The following FOXN3 variants were observed in gnomAD, a reference collection of about 807,000 sequenced individuals.
FOXN3 encodes the protein forkhead box protein N3.
FOXN3 carries 7 observed loss-of-function variants against 38.4 expected under a neutral mutation model. The observed-to-expected ratio is 0.18, with a 90% CI of 0.10 to 0.34. The LOEUF (loss-of-function observed/expected upper bound fraction) is 0.34. FOXN3 is among the 10% of genes least tolerant of loss of function. FOXN3 has a pLI of 1.00. For synonymous variants in FOXN3, 230 were observed against 242.2 expected (o/e 0.95, Z 0.47); for missense variants, 456 against 613.4 (o/e 0.74, Z 2.71).
intron 4 of FOXN3, among the ~76,000 whole-genome samples, chr14:89,193,295 C>G (rs1888011935): frequency 6.6e-6 from 1 of 151,310 alleles, no homozygotes; most frequent in Non-Finnish European, 1.5e-5. Flanking sequence ...TTTATATGGC[C>G]AGAAAATTAA....
In FOXN3 at chr14:89,305,200, C is replaced by T. The variant is rs756975916; in HGVS notation, c.681-24186G>A. Among the ~76,000 whole-genome samples, 42 of 152,198 alleles carry T rather than the reference C, an allele frequency of 2.8e-4. 1 individual carries two copies. Among genetic ancestry groups the T allele is most frequent in the Non-Finnish European group, 8.8e-5 (6 of 68,038 alleles). ...ACTGAGGGCCACTAGGAGATGGGAACTGAGGTCATCGATGGTGAACTCGCG... is the reference window on the plus strand; with the variant it reads ...ACTGAGGGCCACTAGGAGATGGGAATTGAGGTCATCGATGGTGAACTCGCG... On this transcript the variant is annotated intron_variant, in intron 3 of 5. Coordinates refer to ENST00000557258, the MANE Select transcript of FOXN3 (RefSeq NM_005197.4).
At chr14:89,373,858 A>G (rs1463409395) in intron 2 of FOXN3, among the ~76,000 whole-genome samples, 1 of 152,214 alleles carries the variant, frequency 6.6e-6, no homozygotes, top group East Asian at 1.9e-4. Context: ...TAAGTAATAC[A>G]AATTAAAATA....
At chr14:89,327,036 C>T (rs555375032) in intron 3 of FOXN3, among the ~76,000 whole-genome samples, 54 of 152,006 alleles carry the variant, frequency 3.6e-4, no homozygotes, top group Non-Finnish European at 5.6e-4. Context: ...TGATTAGATG[C>T]AATCATTGGC....
intron 1 of FOXN3, among the ~76,000 whole-genome samples, chr14:89,475,878 A>C (rs923757336): frequency 6.6e-6 from 1 of 152,188 alleles, no homozygotes. Context: ...GATCCAGGAG[A>C]GAGTGTGTCA....
At chr14:89,172,730 G>T (rs1218663786) in intron 5 of FOXN3, among the ~76,000 whole-genome samples, 1 of 152,154 alleles carries the variant, frequency 6.6e-6, no homozygotes, top group African/African-American at 2.4e-5. Context: ...ATATATCAGA[G>T]CTAGCATTTC....
chr14:89,197,820 T>C (rs1381212529), intron 4 of FOXN3, among the ~76,000 whole-genome samples: 1 of 152,166 alleles, frequency 6.6e-6, no homozygotes, highest in Non-Finnish European at 1.5e-5. Flanking sequence ...AATTCTGAAG[T>C]GTTTGAAAGG....
intron 3 of FOXN3, among the ~76,000 whole-genome samples, chr14:89,332,291 G>A (rs895540602): frequency 5.3e-5 from 8 of 152,200 alleles, no homozygotes; most frequent in African/African-American, 1.9e-4. Flanking sequence ...GCTCTCCAGG[G>A]TCAGGAAAAT....
chr14:89,424,886 T>C (rs190460306), intron 1 of FOXN3, among the ~76,000 whole-genome samples: 15 of 152,056 alleles, frequency 9.9e-5, no homozygotes, highest in Admixed American at 2.0e-4. Context: ...TCAGATCTGA[T>C]AGAAAATCTG....
intron 1 of FOXN3, among the ~76,000 whole-genome samples, chr14:89,609,583 CAG>C (rs1293222142): frequency 2.0e-5 from 3 of 152,284 alleles, no homozygotes; most frequent in African/African-American, 7.2e-5. Flanking sequence ...TTCCACATTA[CAG>C]AGTTTTATTT....
intron 1 of FOXN3, among the ~76,000 whole-genome samples, chr14:89,560,953 A>C (rs1895235482): frequency 1.3e-5 from 2 of 152,146 alleles, no homozygotes; most frequent in South Asian, 4.1e-4. Flanking sequence ...TCATTCCTGG[A>C]CCAATTGGAA....
At chr14:89,511,189 CTTTT>C (rs1566680995) in intron 1 of FOXN3, among the ~76,000 whole-genome samples, 2 of 14,224 alleles carry the variant, frequency 1.4e-4, no homozygotes, top group East Asian at 1.3e-3. Context: ...TTCTTTCTTT[CTTTT>C]CTTTCTTTCT....
rs146661091 is a variant in FOXN3, at chr14:89,474,007, T to G, written c.-14-61517A>C. Among the ~76,000 whole-genome samples the G allele has an allele frequency of 3.8e-3, 583 of 152,346 alleles. 4 individuals are homozygous for G. Among genetic ancestry groups the G allele is most frequent in the African/African-American group, 0.014 (565 of 41,578 alleles). Reference sequence around the variant, plus strand: ...ACACATATGTCTTACACAGTTGCAATGCAGTCTAAGAAAGTCTGCTAAGCT... The same window carrying G: ...ACACATATGTCTTACACAGTTGCAAGGCAGTCTAAGAAAGTCTGCTAAGCT... On this transcript the variant is annotated intron_variant, in intron 1 of 6. Coordinates refer to the FOXN3 transcript ENST00000345097.
At chr14:89,539,046 G>A (rs947046060) in intron 1 of FOXN3, among the ~76,000 whole-genome samples, 2 of 152,058 alleles carry the variant, frequency 1.3e-5, no homozygotes, top group East Asian at 1.9e-4. Context: ...GTTTTACCAC[G>A]TTGGCCAGGC....
intron 2 of FOXN3, among the ~76,000 whole-genome samples, chr14:89,403,653 C>T (rs1891308148): frequency 6.6e-6 from 1 of 152,222 alleles, no homozygotes; most frequent in Admixed American, 6.5e-5. Context: ...GATATACAGG[C>T]AGTACATCGA....
At chr14:89,608,144 A>G (rs1896311621) in intron 1 of FOXN3, among the ~76,000 whole-genome samples, 1 of 127,228 alleles carries the variant, frequency 7.9e-6, no homozygotes, top group Admixed American at 8.0e-5. Flanking sequence ...ATGCCTGGCT[A>G]ATTTTTTATA....
At chr14:89,585,758 A>G (rs1025935067) in intron 1 of FOXN3, among the ~76,000 whole-genome samples, 99 of 3,446 alleles carry the variant, frequency 0.029, no homozygotes, top group African/African-American at 0.086. Context: ...ACTTGACTAG[A>G]AAAAAAAAAA....
At chr14:89,482,655 T>C (rs1433146386) in intron 1 of FOXN3, among the ~76,000 whole-genome samples, 1 of 151,832 alleles carries the variant, frequency 6.6e-6, no homozygotes. Flanking sequence ...ACACCTATAA[T>C]CCCAGCACTT....
At chr14:89,334,002 ATATATATGTATAT>A (rs1888356605) in intron 3 of FOXN3, among the ~76,000 whole-genome samples, 1 of 39,996 alleles carries the variant, frequency 2.5e-5, no homozygotes, top group African/African-American at 7.5e-5. Context: ...ATATATATAT[ATATATATGTATAT>A]AAATGTGGTA....
intron 4 of FOXN3, among the ~76,000 whole-genome samples, chr14:89,277,738 C>T (rs527294333): frequency 1.2e-4 from 19 of 152,236 alleles, no homozygotes; most frequent in African/African-American, 4.1e-4. Context: ...ACTGGTGCCC[C>T]GCTCTAACTA....
Sources: allele counts gnomAD v4.1 joint callset (sites outside exome capture counted in the v4.1 genomes callset), GRCh38; gene constraint gnomAD v4.1.1; transcripts MANE v1.5; gene names NCBI Gene and HGNC (gene_info 2026-07-23, HGNC 2026-07-21).